The following PARG variants were observed in gnomAD, a reference collection of about 807,000 sequenced individuals.
The protein encoded by PARG is mitochondrial poly(ADP-ribose) glycohydrolase.
In PARG, 35 loss-of-function variants were observed where a neutral mutation model predicts 113.0. The ratio of observed to expected loss-of-function variants is 0.31; its 90% CI spans 0.24 to 0.41. The LOEUF (loss-of-function observed/expected upper bound fraction) is 0.41, where lower values mean the gene tolerates loss of function less well. PARG is among the 10% of genes least tolerant of loss of function. The pLI, the probability that PARG is intolerant of heterozygous loss-of-function variation, is 1.00. For synonymous variants in PARG, 330 were observed against 409.9 expected (o/e 0.81, Z 2.36); for missense variants, 797 against 1,169.4 (o/e 0.68, Z 4.64).
At chr10:49,879,589 C>T (rs1320554198) in intron 9 of PARG, 84 bp downstream of exon 9, 1 of 922,168 alleles carries the variant, frequency 1.1e-6, no homozygotes, top group African/African-American at 1.7e-5. Context: ...AATGCTTGGC[C>T]TATGGAATTC....
intron 16 of PARG, among the ~76,000 whole-genome samples, chr10:49,828,586 G>C (rs1485945566): frequency 6.6e-6 from 1 of 152,112 alleles, no homozygotes; most frequent in Non-Finnish European, 1.5e-5. Context: ...TTCTCTCCTA[G>C]CCTGTGGCTC....
intron 13 of PARG, among the ~76,000 whole-genome samples, chr10:49,845,793 A>T (rs1182795843): frequency 1.3e-5 from 2 of 150,766 alleles, no homozygotes; most frequent in Non-Finnish European, 3.0e-5. Context: ...GCTACCTGGG[A>T]GGCAGAGGCA....
At position 49,819,465 on chromosome 10, in the gene PARG, A is replaced by G; in HGVS notation, c.2806T>C (p.Tyr936His). ...GDVYKLLLRY[Y>H]NEECRNCSTP... is the part of the protein sequence containing the mutation. ...GAACAGTTTCTGCATTCTTCATTGT[A>G]GTATCGTAGCAACAGCTTATACACA... Residue 936 changes from tyrosine to histidine, a missense_variant, in exon 18 of 18, where the codon TAC becomes CAC. Transcript: ENST00000616448. The G allele has an allele frequency of 6.4e-7, 1 of 1,551,316 alleles. No homozygotes were observed. Among genetic ancestry groups the G allele is most frequent in the Non-Finnish European group, 8.7e-7 (1 of 1,146,618 alleles).
At chr10:49,915,880 CAAT>C (rs1588984137) in intron 7 of PARG, 34 bp downstream of exon 7, 3 of 1,066,336 alleles carry the variant, frequency 2.8e-6, no homozygotes, top group Non-Finnish European at 4.3e-6. Flanking sequence ...ATTGAGTTGT[CAAT>C]AATATTTTCA....
intron 6 of PARG, among the ~76,000 whole-genome samples, chr10:49,916,892 G>C (rs868926151): frequency 6.6e-6 from 1 of 152,074 alleles, no homozygotes; most frequent in Non-Finnish European, 1.5e-5. Context: ...GAAAACCACT[G>C]TTAGATTATT....
chr10:49,910,688 CAATT>C (rs1837125475), intron 7 of PARG, among the ~76,000 whole-genome samples: 1 of 152,058 alleles, frequency 6.6e-6, no homozygotes, highest in Admixed American at 6.6e-5. Flanking sequence ...TTCCTTTCAA[CAATT>C]AATCCATTTT....
At position 49,933,883 on chromosome 10, in the gene PARG, G is replaced by A. The variant is rs1838615535; in HGVS notation, c.565C>T (p.Arg189Trp). The change falls in exon 3 of 18, where the codon CGG (arginine) becomes TGG (tryptophan). Residue 189 changes from arginine to tryptophan, a missense_variant. Arg to Trp is a moderately radical substitution (Grantham distance 101, BLOSUM62 -3). This residue lies in a region of PARG where 284 missense variants were observed against 306.1 expected (regional missense o/e 0.93). Coordinates refer to ENST00000616448, the MANE Select transcript of PARG (RefSeq NM_003631.5). ...PEQFSNANID[R>W]SPQNDDHSDT... Reference sequence around the variant, plus strand: ...CTGTGATCATCATTTTGAGGTGACCGATCAATGTTAGCATTACTAAACTGC... The same window carrying A: ...CTGTGATCATCATTTTGAGGTGACCAATCAATGTTAGCATTACTAAACTGC... 14 of 1,596,048 alleles carry A rather than the reference G, an allele frequency of 8.8e-6. No homozygotes were observed. Among genetic ancestry groups the A allele is most frequent in the South Asian group, 5.5e-5 (5 of 90,712 alleles).
At chr10:49,878,575 A>G (rs2256904) in intron 9 of PARG, among the ~76,000 whole-genome samples, 127,997 of 136,252 alleles carry the variant, frequency 0.94, 60,551 homozygotes, top group East Asian at 1. Context: ...CCAAGATTGC[A>G]CCACTGCACT....
chr10:49,818,442 C>T lies in PARG; in HGVS notation c.*898G>A, dbSNP rs117209301. 3,064 of 152,510 alleles carry T rather than the reference C, an allele frequency of 0.02. 60 individuals are homozygous for T. Among genetic ancestry groups the T allele is most frequent in the Non-Finnish European group, 0.028 (1,906 of 67,996 alleles). 9.4% of individuals were successfully genotyped at this position (152,510 alleles called of 1,614,324 possible). A position where few individuals can be genotyped will look rare whatever the true frequency, so the allele number is the denominator to read the frequency against. ...TCATTCACTATATAACCTTTGAATA[C>T]CAGAGAAACTTCAATATGTACAAAT... On this transcript the variant is annotated 3_prime_UTR_variant, in exon 18 of 18. Transcript: ENST00000616448.
chr10:49,922,735 C>T, intron 4 of PARG, 66 bp from the exon 5 acceptor site: 3 of 999,004 alleles, frequency 3.0e-6, no homozygotes, highest in Non-Finnish European at 4.4e-6. Context: ...TAAAATAATC[C>T]TAAGTAACCA....
chr10:49,940,679 A>G (rs1336915298), intron 1 of PARG, among the ~76,000 whole-genome samples: 1 of 151,996 alleles, frequency 6.6e-6, no homozygotes, highest in Non-Finnish European at 1.5e-5. Flanking sequence ...GTTGCCCGCC[A>G]CCACGCTAGG....
At chr10:49,839,619 GT>G (rs1424726577) in intron 15 of PARG, among the ~76,000 whole-genome samples, 1 of 152,168 alleles carries the variant, frequency 6.6e-6, no homozygotes, top group Non-Finnish European at 1.5e-5. Context: ...CAAACTGAAG[GT>G]TGGTGATACA....
At chr10:49,889,723 C>T (rs1847675966) in intron 7 of PARG, among the ~76,000 whole-genome samples, 2 of 152,204 alleles carry the variant, frequency 1.3e-5, no homozygotes, top group Admixed American at 1.3e-4. Context: ...TTTGGGTATC[C>T]ATCTTTGTCT....
rs191755213 is a variant in PARG at position 49,910,923 on chromosome 10, T to C, written c.1737+4994A>G. 3.8e-3 allele frequency among the ~76,000 whole-genome samples: 584 copies of C among 152,152 alleles called. 7 individuals carry two copies. The highest frequency in any genetic ancestry group is 0.014 in the African/African-American group (562 of 41,494). ...CCCCATGCCCTTCAGTTACTACAGC[T>C]TTAATGTAAATTTCACAAGTTAACA... On this transcript the variant is annotated intron_variant, in intron 7 of 17. Coordinates refer to ENST00000616448, the MANE Select transcript of PARG (RefSeq NM_003631.5).
intron 9 of PARG, 68 bp downstream of exon 9, chr10:49,879,605 A>G (rs1340734005): frequency 6.6e-6 from 8 of 1,207,052 alleles, no homozygotes; most frequent in Admixed American, 4.8e-5. Context: ...AATTCATTCA[A>G]AAAATATTAT....
chr10:49,917,852 A>C (rs1464533809), intron 6 of PARG, among the ~76,000 whole-genome samples: 1 of 152,014 alleles, frequency 6.6e-6, no homozygotes, highest in Non-Finnish European at 1.5e-5. Flanking sequence ...AAAAAAATTA[A>C]AAGATTTTAA....
chr10:49,884,528 G>A (rs1482392079), intron 8 of PARG, among the ~76,000 whole-genome samples: 1 of 152,204 alleles, frequency 6.6e-6, no homozygotes, highest in Admixed American at 6.5e-5. Flanking sequence ...GAACCCAGGA[G>A]GCAGAGGTTG....
At chr10:49,935,981 G>A (rs1181849040) in intron 1 of PARG, among the ~76,000 whole-genome samples, 6 of 152,150 alleles carry the variant, frequency 3.9e-5, no homozygotes, top group African/African-American at 1.2e-4. Context: ...CAAGAGGGAA[G>A]AGCTTATTGC....
At chr10:49,836,336 T>TTTTTTTTTTTTA (rs370070934) in intron 15 of PARG, among the ~76,000 whole-genome samples, 7 of 138,636 alleles carry the variant, frequency 5.0e-5, no homozygotes, top group African/African-American at 2.0e-4. Context: ...TTTTTTTTTT[T>TTTTTTTTTTTTA]AGCCCAGGCT....
Sources: allele counts gnomAD v4.1 joint callset (sites outside exome capture counted in the v4.1 genomes callset), GRCh38; gene constraint gnomAD v4.1.1; regional missense constraint gnomAD v4.1.1; transcripts MANE v1.5; gene names NCBI Gene and HGNC (gene_info 2026-07-23, HGNC 2026-07-21).